FXYD6: variants seen among roughly 807,000 people sequenced by gnomAD.
The protein encoded by FXYD6 is FXYD domain-containing ion transport regulator 6.
FXYD6 carries 7 observed loss-of-function variants against 16.7 expected under a neutral mutation model. The ratio of observed to expected loss-of-function variants is 0.42; its 90% CI spans 0.24 to 0.79. The LOEUF (loss-of-function observed/expected upper bound fraction) is 0.79. Ranked by LOEUF, FXYD6 falls within the 30% of genes least tolerant of loss-of-function variation. FXYD6 has a pLI of 0.28. For missense variants in FXYD6, 111 were observed against 116.2 expected, an observed-to-expected ratio of 0.95 and a Z score of 0.21; for synonymous variants, 49 against 43.0, an observed-to-expected ratio of 1.14 and a Z score of -0.54.
intron 1 of FXYD6, among the ~76,000 whole-genome samples, chr11:117,857,502 G>A (rs914978290): frequency 1.3e-5 from 2 of 150,214 alleles, no homozygotes; most frequent in Admixed American, 6.7e-5. Context: ...CTCTGCTGCC[G>A]GGTTCAAGCG....
rs1298406370 is a variant in FXYD6, at chr11:117,872,512, G to C, written c.-6+4080C>G. 1.3e-5 allele frequency among the ~76,000 whole-genome samples: 2 copies of C among 152,168 alleles called. No individual in the cohort carries two copies. Among genetic ancestry groups the C allele is most frequent in the East Asian group, 3.9e-4 (2 of 5,188 alleles). On this transcript the variant is annotated intron_variant, in intron 1 of 7. Transcript: ENST00000526014. This position sits in a 1 kb window ranked among gnomAD's most constrained non-coding sequence, Gnocchi z 4.9. The stretch of plus-strand genomic sequence containing the variant: ...AACATTTATTAAAAGGATGAACGAG[G>C]GAGTTTGAAACCTTAGCCTCTGGTC...
chr11:117,848,164 C>T (rs369331211), intron 1 of FXYD6, among the ~76,000 whole-genome samples: 4 of 152,044 alleles, frequency 2.6e-5, no homozygotes, highest in Admixed American at 1.3e-4. Flanking sequence ...CAAACACACA[C>T]GCACACAACA....
chr11:117,856,585 C>A (rs1191986677), intron 1 of FXYD6, among the ~76,000 whole-genome samples: 1 of 152,134 alleles, frequency 6.6e-6, no homozygotes, highest in Non-Finnish European at 1.5e-5. Flanking sequence ...CCGCAGAATG[C>A]CTGGGCCCCA....
intron 1 of FXYD6, chr11:117,868,958 A>G (rs2057071047): frequency 6.6e-6 from 1 of 152,270 alleles, no homozygotes; most frequent in Non-Finnish European, 1.5e-5. Flanking sequence ...AGAGCCTCAG[A>G]GCAAACAAAC....
intron 1 of FXYD6, among the ~76,000 whole-genome samples, chr11:117,866,357 A>G (rs564640604): frequency 6.6e-6 from 1 of 152,254 alleles, no homozygotes; most frequent in South Asian, 2.1e-4. Flanking sequence ...AGGTGACGGG[A>G]AAAAACATGT....
At chr11:117,874,900 G>A (rs1018715920) in intron 1 of FXYD6, among the ~76,000 whole-genome samples, 6 of 152,160 alleles carry the variant, frequency 3.9e-5, no homozygotes, top group Non-Finnish European at 8.8e-5. Flanking sequence ...TAGGGAAGGG[G>A]CTCCTCTTTT....
Position 117,837,453 on chromosome 11 carries a change from G to T in FXYD6, c.*846C>A, listed in dbSNP as rs965823944. On this transcript the variant is annotated 3_prime_UTR_variant, in exon 8 of 8. Transcript: ENST00000526014. This position sits in a 1 kb window ranked among gnomAD's most constrained non-coding sequence, Gnocchi z 4.4. ...TCAGAAGCAGGGAAGGTTGGAAGGG[G>T]TAGGGTCCCAGAGCCCATGGAGTTA... is the stretch of plus-strand genomic sequence containing the variant. 3 of 152,866 alleles carry T rather than the reference G, an allele frequency of 2.0e-5. No individual in the cohort carries two copies. Among genetic ancestry groups the T allele is most frequent in the African/African-American group, 7.2e-5 (3 of 41,460 alleles). The allele number at this position is 152,866 out of a possible 1,614,324, so 9.5% of individuals were successfully genotyped here. A position where few individuals can be genotyped will look rare whatever the true frequency, so the allele number is the denominator to read the frequency against.
chr11:117,848,060 C>G (rs571703843), intron 1 of FXYD6, among the ~76,000 whole-genome samples: 1 of 152,330 alleles, frequency 6.6e-6, no homozygotes, highest in African/African-American at 2.4e-5. Context: ...GCCATTCTAA[C>G]TGGTGTGAGA....
intron 1 of FXYD6, among the ~76,000 whole-genome samples, chr11:117,858,693 TTCTTTCTTTCTCTC>T (rs1445599369): frequency 7.4e-5 from 5 of 67,428 alleles, no homozygotes; most frequent in African/African-American, 3.4e-4. Flanking sequence ...CTTTCTTTCT[TTCTTTCTTTCTCTC>T]TCTCTCTCCT....
chr11:117,865,723 C>T lies in FXYD6; in HGVS notation c.-6+10869G>A, dbSNP rs1291485410. ...GGTGGATCACCTGAGGTCAAGAGTT[C>T]GAGACCAGTCTGGCCAACACGGCGA... On this transcript the variant is annotated intron_variant, in intron 1 of 7. Coordinates refer to ENST00000526014, the MANE Select transcript of FXYD6 (RefSeq NM_022003.4). Among the ~76,000 whole-genome samples the T allele has an allele frequency of 4.6e-5, 7 of 152,086 alleles. No homozygotes were observed. The East Asian group carries it at 7.7e-4, about 17-fold the overall frequency.
At chr11:117,873,740 G>C (rs1402103424) in intron 1 of FXYD6, among the ~76,000 whole-genome samples, 1 of 152,198 alleles carries the variant, frequency 6.6e-6, no homozygotes, top group South Asian at 2.1e-4. Context: ...CTCTTATTTA[G>C]GGGAGATTTC....
intron 1 of FXYD6, among the ~76,000 whole-genome samples, chr11:117,845,134 C>T (rs1484967907): frequency 2.0e-5 from 3 of 152,216 alleles, no homozygotes; most frequent in Non-Finnish European, 4.4e-5. Context: ...AACTTGTATC[C>T]ATCGGCAGTC....
chr11:117,839,786 A>C lies in FXYD6; in HGVS notation c.*16T>G, dbSNP rs2056294643. The C allele has an allele frequency of 1.9e-6, 3 of 1,614,140 alleles. No homozygotes were observed. Among genetic ancestry groups the C allele is most frequent in the Non-Finnish European group, 2.5e-6 (3 of 1,180,012 alleles). The stretch of plus-strand genomic sequence containing the variant: ...CCAGGCACTGAGCATCTCACCTTCC[A>C]CCTGATGGCTGCACTTCAGTTCTCT... On this transcript the variant is annotated 3_prime_UTR_variant, in exon 7 of 8. Coordinates refer to ENST00000526014, the MANE Select transcript of FXYD6 (RefSeq NM_022003.4).
At position 117,839,894 on chromosome 11, in the gene FXYD6, C is replaced by G. The variant is rs942376145; in HGVS notation, c.260-64G>C. 3 of 1,603,750 alleles carry G rather than the reference C, an allele frequency of 1.9e-6. No homozygotes were observed. In the Admixed American group the frequency reaches 5.0e-5, roughly 27 times the overall value. On this transcript the variant is annotated intron_variant, in intron 6 of 7. Coordinates refer to ENST00000526014, the MANE Select transcript of FXYD6 (RefSeq NM_022003.4). ...CCTCACCCCCGTGGGCCACCCCCAA[C>G]AGCAGCCGTGTCTCTGCCTGACTCT...
chr11:117,846,891 G>C (rs1432708347), intron 1 of FXYD6, among the ~76,000 whole-genome samples: 1 of 152,078 alleles, frequency 6.6e-6, no homozygotes, highest in Non-Finnish European at 1.5e-5. Context: ...TCAAATTTCA[G>C]AATTAGCTTT....
chr11:117,852,794 C>T (rs2056639522), intron 1 of FXYD6, among the ~76,000 whole-genome samples: 1 of 152,232 alleles, frequency 6.6e-6, no homozygotes, highest in South Asian at 2.1e-4. Context: ...CTCCATATCG[C>T]TTAACTGCTC....
chr11:117,854,997 T>C (rs1471161820), intron 1 of FXYD6, among the ~76,000 whole-genome samples: 1 of 152,226 alleles, frequency 6.6e-6, no homozygotes, highest in Non-Finnish European at 1.5e-5. Flanking sequence ...TAATGTCTGC[T>C]TAGCCTAGGA....
At position 117,837,823 on chromosome 11, in the gene FXYD6, C is replaced by A; in HGVS notation, c.*476G>T. 4.0e-6 allele frequency: 1 copy of A among 250,078 alleles called. No individual in the cohort carries two copies. The highest frequency in any genetic ancestry group is 8.3e-5 in the East Asian group (1 of 12,020). The allele number at this position is 250,078 out of a possible 1,614,324, so 15.5% of individuals were successfully genotyped here. On this transcript the variant is annotated 3_prime_UTR_variant, in exon 8 of 8. Transcript: ENST00000526014. The surrounding 1 kb of genome is among the most constrained non-coding windows in gnomAD (Gnocchi z 4.4). Reference sequence around the variant, plus strand: ...ACGACTGAAGACCACTGCCCGTGCTCTTACCCTACGCATCCCTAAATCAGG... The same window carrying A: ...ACGACTGAAGACCACTGCCCGTGCTATTACCCTACGCATCCCTAAATCAGG...
chr11:117,877,079 C>T (rs564059023), upstream of FXYD6: 1 of 152,392 alleles, frequency 6.6e-6, no homozygotes, highest in South Asian at 2.1e-4. Flanking sequence ...CAATGACAGA[C>T]CTGGTGTCTC....
Sources: allele counts gnomAD v4.1 joint callset (sites outside exome capture counted in the v4.1 genomes callset), GRCh38; gene constraint gnomAD v4.1.1; non-coding constraint Gnocchi (gnomAD v3.1); transcripts MANE v1.5; gene names NCBI Gene and HGNC (gene_info 2026-07-23, HGNC 2026-07-21).